Variants in IGFBP7 observed in about 807,000 individuals in gnomAD.
IGFBP7 encodes insulin like growth factor binding protein 7.
IGFBP7 carries 31 observed loss-of-function variants against 29.4 expected under a neutral mutation model. The ratio of observed to expected loss-of-function variants is 1.05; its 90% CI spans 0.79 to 1.42. IGFBP7 has a LOEUF of 1.42. Among genes scored for constraint, IGFBP7 ranks in the 40% most tolerant of loss-of-function variants. IGFBP7 has a pLI of 0.00. For missense variants in IGFBP7, 393 were observed against 395.5 expected (o/e 0.99, Z 0.05); for synonymous variants, 172 against 174.9 (o/e 0.98, Z 0.13).
chr4:57,079,229 G>GGT (rs764458187), intron 1 of IGFBP7, among the ~76,000 whole-genome samples: 60 of 150,514 alleles, frequency 4.0e-4, no homozygotes, highest in African/African-American at 7.6e-4. Flanking sequence ...TCCCTTTTTT[G>GGT]GTGTGTGTGT....
intron 1 of IGFBP7, among the ~76,000 whole-genome samples, chr4:57,089,036 A>C (rs1725570712): frequency 6.8e-6 from 1 of 146,310 alleles, no homozygotes; most frequent in African/African-American, 2.6e-5. Flanking sequence ...TGTCTCAAAA[A>C]AATAAAAAAA....
chr4:57,036,705 C>G (rs1467565758), intron 2 of IGFBP7, among the ~76,000 whole-genome samples: 2 of 152,140 alleles, frequency 1.3e-5, no homozygotes, highest in East Asian at 3.9e-4. Context: ...CTGTGCCAAC[C>G]GTAAGAATTG....
chr4:57,102,071 A>T (rs1267583348), intron 1 of IGFBP7, among the ~76,000 whole-genome samples: 1 of 152,200 alleles, frequency 6.6e-6, no homozygotes, highest in African/African-American at 2.4e-5. Context: ...TCTAACAATG[A>T]AAAACACAGA....
chr4:57,101,956 C>T (rs1725906999), intron 1 of IGFBP7, among the ~76,000 whole-genome samples: 1 of 152,130 alleles, frequency 6.6e-6, no homozygotes, highest in Admixed American at 6.6e-5. Context: ...TCTAATTGTG[C>T]CACTCCTAAA....
At position 57,089,031 on chromosome 4, in the gene IGFBP7, C is replaced by CAAAA. The variant is rs375667181; in HGVS notation, c.475+20842_475+20845dup. Among the ~76,000 whole-genome samples, 66 of 99,314 alleles carry CAAAA rather than the reference C, an allele frequency of 6.6e-4. 1 individual carries two copies. Among genetic ancestry groups the CAAAA allele is most frequent in the South Asian group, 1.2e-3 (3 of 2,472 alleles). The allele number at this position is 99,314 out of a possible 152,430, so 65.2% of individuals were successfully genotyped here. ...TGAGCAACAGAGTGAGACTCTGTCT[C>CAAAA]AAAAAAATAAAAAAAAAAAAAAAGA... On this transcript the variant is annotated intron_variant, in intron 1 of 4. Coordinates refer to ENST00000295666, the MANE Select transcript of IGFBP7 (RefSeq NM_001553.3).
chr4:57,037,417 C>G (rs1344579241), intron 2 of IGFBP7, among the ~76,000 whole-genome samples: 1 of 150,914 alleles, frequency 6.6e-6, no homozygotes, highest in Non-Finnish European at 1.5e-5. Flanking sequence ...TGCTCTGTTG[C>G]CCAGGCTGGA....
At position 57,059,043 on chromosome 4, in the gene IGFBP7, A is replaced by G. The variant is rs780783649; in HGVS notation, c.476-18110T>C. On this transcript the variant is annotated intron_variant, in intron 1 of 4. Transcript: ENST00000295666. ...AGAAATGCAGATCAAAACCACAATG[A>G]GATACCATCTTACACCAGTCAGAAT... Among the ~76,000 whole-genome samples, 11 of 152,220 alleles carry G rather than the reference A, an allele frequency of 7.2e-5. No homozygotes were observed. The South Asian group carries it at 8.3e-4, about 11-fold the overall frequency.
chr4:57,085,672 A>T (rs955329105), intron 1 of IGFBP7, among the ~76,000 whole-genome samples: 12 of 152,178 alleles, frequency 7.9e-5, no homozygotes, highest in African/African-American at 2.9e-4. Context: ...CTTATATAAA[A>T]TTTCTTTCTA....
At chr4:57,080,330 A>G (rs1725336266) in intron 1 of IGFBP7, among the ~76,000 whole-genome samples, 1 of 152,208 alleles carries the variant, frequency 6.6e-6, no homozygotes, top group African/African-American at 2.4e-5. Context: ...GATTCAAAGG[A>G]GGGAAATTGA....
chr4:57,092,457 A>G (rs1725664418), intron 1 of IGFBP7, among the ~76,000 whole-genome samples: 1 of 152,190 alleles, frequency 6.6e-6, no homozygotes, highest in Non-Finnish European at 1.5e-5. Context: ...AATTTTATAA[A>G]TAGAAACTAG....
intron 1 of IGFBP7, among the ~76,000 whole-genome samples, chr4:57,094,082 C>T (rs966503212): frequency 3.8e-4 from 58 of 152,216 alleles, no homozygotes; most frequent in African/African-American, 1.4e-3. Context: ...GAGTCTAACT[C>T]CCTCTTCTTT....
At chr4:57,033,126 C>A (rs1456542088) in intron 3 of IGFBP7, 69 bp downstream of exon 3, 2 of 1,106,020 alleles carry the variant, frequency 1.8e-6, no homozygotes, top group South Asian at 2.5e-5. Flanking sequence ...CATCAGGCAC[C>A]TTTGCCAGGT....
chr4:57,093,612 C>T lies in IGFBP7; in HGVS notation c.475+16265G>A, dbSNP rs181049509. Among the ~76,000 whole-genome samples the T allele has an allele frequency of 2.0e-4, 30 of 151,938 alleles. No individual in the cohort carries two copies. The East Asian group carries it at 2.3e-3, about 12-fold the overall frequency. ...GTATTCTCATCAATAGGTCATTGCA[C>T]CTATTAAATTTTTTTTTTACACATT... On this transcript the variant is annotated intron_variant, in intron 1 of 4. Coordinates refer to ENST00000295666, the MANE Select transcript of IGFBP7 (RefSeq NM_001553.3).
At chr4:57,076,469 C>A (rs1725229204) in intron 1 of IGFBP7, among the ~76,000 whole-genome samples, 1 of 152,212 alleles carries the variant, frequency 6.6e-6, no homozygotes, top group Admixed American at 6.5e-5. Flanking sequence ...AACCATGCAA[C>A]CTCCCTGACA....
At chr4:57,039,685 G>T (rs1518585) in intron 2 of IGFBP7, among the ~76,000 whole-genome samples, 1 of 148,080 alleles carries the variant, frequency 6.8e-6, no homozygotes, top group Non-Finnish European at 1.5e-5. Context: ...GAGTGCAGTG[G>T]GGCAATCACA....
At chr4:57,059,218 C>T (rs1724739842) in intron 1 of IGFBP7, among the ~76,000 whole-genome samples, 1 of 152,136 alleles carries the variant, frequency 6.6e-6, no homozygotes. Flanking sequence ...ACAGAACTAC[C>T]ATTTGATGCA....
chr4:57,072,546 A>C (rs1445927723), intron 1 of IGFBP7: 1 of 229,978 alleles, frequency 4.3e-6, no homozygotes, highest in Non-Finnish European at 8.6e-6. Flanking sequence ...AAAATTAAAT[A>C]GTCAGTTGCA....
intron 1 of IGFBP7, among the ~76,000 whole-genome samples, chr4:57,071,057 G>A (rs983088943): frequency 6.6e-6 from 1 of 152,152 alleles, no homozygotes; most frequent in Non-Finnish European, 1.5e-5. Flanking sequence ...GAAGTCCCGA[G>A]GGTCCATGTG....
intron 1 of IGFBP7, 31 bp from the exon 2 acceptor site, chr4:57,040,964 C>A (rs749006670): frequency 7.2e-7 from 1 of 1,393,446 alleles, no homozygotes; most frequent in Non-Finnish European, 1.0e-6. Flanking sequence ...CCAAAGTCAT[C>A]TTTTAAACAG....
Sources: allele counts gnomAD v4.1 joint callset (sites outside exome capture counted in the v4.1 genomes callset), GRCh38; gene constraint gnomAD v4.1.1; transcripts MANE v1.5; gene names NCBI Gene and HGNC (gene_info 2026-07-23, HGNC 2026-07-21).